The following PIWIL4 variants were observed in gnomAD, a reference collection of about 807,000 sequenced individuals.
PIWIL4 encodes piwi-like protein 4.
Under a neutral mutation model 100.9 loss-of-function variants are expected in PIWIL4, and 50 were observed. That is an observed-to-expected ratio of 0.50 (90% CI 0.39 to 0.63). The LOEUF is 0.63. Ranked by LOEUF, PIWIL4 falls within the 20% of genes least tolerant of loss-of-function variation. The pLI is 0.00. For missense variants in PIWIL4, 887 were observed against 1,043.3 expected (o/e 0.85, Z 2.06); for synonymous variants, 342 against 367.5 (o/e 0.93, Z 0.79).
intron 2 of PIWIL4, 77 bp from the exon 3 acceptor site, chr11:94,574,922 C>T: frequency 7.1e-7 from 1 of 1,417,402 alleles, no homozygotes; most frequent in Non-Finnish European, 9.8e-7. Context: ...GATTGCAATG[C>T]ATTTTTGACA....
intron 4 of PIWIL4, among the ~76,000 whole-genome samples, chr11:94,582,066 C>T (rs546379172): frequency 7.2e-5 from 11 of 152,100 alleles, no homozygotes; most frequent in Non-Finnish European, 1.6e-4. Context: ...GGTCTGAGGT[C>T]CAATAGGAGA....
intron 13 of PIWIL4, among the ~76,000 whole-genome samples, chr11:94,605,978 G>A (rs72965832): frequency 2.6e-5 from 4 of 152,232 alleles, no homozygotes; most frequent in Non-Finnish European, 5.9e-5. Context: ...TCCCCGCCCT[G>A]GAATCAGATA....
intron 2 of PIWIL4, among the ~76,000 whole-genome samples, chr11:94,574,293 T>C (rs980090538): frequency 1.3e-5 from 2 of 152,214 alleles, no homozygotes; most frequent in African/African-American, 2.4e-5. Flanking sequence ...TCTTCTTTTC[T>C]TTGGGAAATG....
chr11:94,571,882 A>AC (rs1385205770), intron 2 of PIWIL4, among the ~76,000 whole-genome samples: 1 of 152,210 alleles, frequency 6.6e-6, no homozygotes, highest in Non-Finnish European at 1.5e-5. Flanking sequence ...AAATGGTTGA[A>AC]CTAGTGTACA....
intron 4 of PIWIL4, among the ~76,000 whole-genome samples, chr11:94,582,940 C>G (rs536409602): frequency 1.1e-4 from 17 of 152,080 alleles, no homozygotes; most frequent in African/African-American, 4.1e-4. Context: ...AATCCATGAA[C>G]TTGGGATGGG....
rs1948382217 is a variant in PIWIL4, at chr11:94,585,247, T to G, written c.636-198T>G. Among the ~76,000 whole-genome samples, 5 of 152,236 alleles carry G rather than the reference T, an allele frequency of 3.3e-5. No homozygotes were observed. The South Asian group carries it at 1.0e-3, about 31-fold the overall frequency. ...CAGATAAAAATAATTTCAGTTGTAG[T>G]ATTCTCAAATATGAAGAAGTGATAG... On this transcript the variant is annotated intron_variant, in intron 5 of 19. Transcript: ENST00000299001.
At position 94,619,155 on chromosome 11, in the gene PIWIL4, TGATCCTTACATCCCAGAG is replaced by T. The variant is rs149790206; in HGVS notation, c.2169-601_2169-584del. Among the ~76,000 whole-genome samples the T allele has an allele frequency of 1.9e-3, 289 of 152,334 alleles. 2 individuals carry two copies. Among genetic ancestry groups the T allele is most frequent in the African/African-American group, 6.7e-3 (280 of 41,568 alleles). ...TAATGCTTAAAATGAAACTCCGCAG[TGATCCTTACATCCCAGAG>T]GATGTAAGGATGCCTTTTGTAATGA... On this transcript the variant is annotated intron_variant, in intron 17 of 19. Coordinates refer to ENST00000299001, the MANE Select transcript of PIWIL4 (RefSeq NM_152431.3).
intron 15 of PIWIL4, 25 bp from the exon 16 acceptor site, chr11:94,616,468 C>A: frequency 6.5e-7 from 1 of 1,541,468 alleles, no homozygotes; most frequent in Non-Finnish European, 8.8e-7. Context: ...TTGAATTTTA[C>A]TTTTATTTTT....
At chr11:94,586,782 C>T (rs1321184217) in intron 6 of PIWIL4, among the ~76,000 whole-genome samples, 1 of 152,156 alleles carries the variant, frequency 6.6e-6, no homozygotes, top group African/African-American at 2.4e-5. Flanking sequence ...AGGACGGTCC[C>T]TAACAAAGAA....
intron 10 of PIWIL4, among the ~76,000 whole-genome samples, chr11:94,595,842 A>G (rs1175629167): frequency 6.6e-6 from 1 of 152,228 alleles, no homozygotes; most frequent in East Asian, 1.9e-4. Flanking sequence ...AACTTTAGGA[A>G]AACCCCACTA....
At chr11:94,618,713 C>T (rs569995810) in intron 17 of PIWIL4, among the ~76,000 whole-genome samples, 2 of 152,270 alleles carry the variant, frequency 1.3e-5, no homozygotes, top group East Asian at 3.9e-4. Flanking sequence ...TAGGAGAGGA[C>T]AATAATCTAA....
chr11:94,586,626 G>T (rs375769373), intron 6 of PIWIL4, among the ~76,000 whole-genome samples: 1 of 152,098 alleles, frequency 6.6e-6, no homozygotes, highest in Non-Finnish European at 1.5e-5. Flanking sequence ...TATAGTTACG[G>T]TTTTCAGGCA....
chr11:94,575,160 A>C (rs754382802), intron 3 of PIWIL4, 30 bp downstream of exon 3: 7 of 1,605,608 alleles, frequency 4.4e-6, no homozygotes, highest in Non-Finnish European at 5.1e-6. Context: ...TTACTTTTTT[A>C]ATGTTACCAA....
chr11:94,573,641 A>G (rs1251276472), intron 2 of PIWIL4, among the ~76,000 whole-genome samples: 1 of 152,190 alleles, frequency 6.6e-6, no homozygotes, highest in Non-Finnish European at 1.5e-5. Flanking sequence ...AATGAAGCCA[A>G]CTTGATCGTG....
intron 17 of PIWIL4, 33 bp from the exon 18 acceptor site, chr11:94,619,727 G>C (rs765617587): frequency 1.3e-6 from 2 of 1,595,632 alleles, no homozygotes; most frequent in Admixed American, 3.6e-5. Context: ...ATTGGATTGA[G>C]TTCTTTTCAT....
intron 12 of PIWIL4, among the ~76,000 whole-genome samples, chr11:94,602,338 G>C (rs780784516): frequency 6.6e-6 from 1 of 152,024 alleles, no homozygotes; most frequent in Non-Finnish European, 1.5e-5. Flanking sequence ...AATAGGAAAT[G>C]GATATTAAAA....
At position 94,577,016 on chromosome 11, in the gene PIWIL4, A is replaced by G. The variant is rs143178013; in HGVS notation, c.299-262A>G. 1.7e-3 allele frequency among the ~76,000 whole-genome samples: 253 copies of G among 152,330 alleles called. 5 individuals are homozygous for G. Among genetic ancestry groups the G allele is most frequent in the African/African-American group, 5.8e-3 (239 of 41,562 alleles). On this transcript the variant is annotated intron_variant, in intron 3 of 19. Transcript: ENST00000299001. ...AAGGTGTCCTGGAATGGTTGAGTTC[A>G]GATGCTTCTCGTCTCACAAGGACAG...
chr11:94,587,272 T>G lies in PIWIL4; in HGVS notation c.914+25T>G, dbSNP rs779886013. ...GGTACAAGCCTGCGTCTAAATAAAC[T>G]TTTCTTCAGAAATCAATCATTGATG... On this transcript the variant is annotated intron_variant, in intron 7 of 19. Coordinates refer to ENST00000299001, the MANE Select transcript of PIWIL4 (RefSeq NM_152431.3). The G allele has an allele frequency of 3.1e-6, 5 of 1,590,244 alleles. No individual in the cohort carries two copies. In the South Asian group the frequency reaches 5.6e-5, roughly 18 times the overall value.
At chr11:94,594,504 G>T (rs576893947) in intron 9 of PIWIL4, among the ~76,000 whole-genome samples, 4 of 151,658 alleles carry the variant, frequency 2.6e-5, no homozygotes, top group African/African-American at 4.8e-5. Flanking sequence ...AATTAATGAG[G>T]ATATAATCCT....
Sources: allele counts gnomAD v4.1 joint callset (sites outside exome capture counted in the v4.1 genomes callset), GRCh38; gene constraint gnomAD v4.1.1; transcripts MANE v1.5; gene names NCBI Gene and HGNC (gene_info 2026-07-23, HGNC 2026-07-21).